Variants in LRP2 observed in about 807,000 individuals in gnomAD.
LRP2 encodes the protein LDL receptor related protein 2, also known as low-density lipoprotein receptor-related protein 2.
In LRP2, 172 loss-of-function variants were observed where a neutral mutation model predicts 531.0. The ratio of observed to expected loss-of-function variants is 0.32; its 90% confidence interval spans 0.29 to 0.37. The LOEUF (loss-of-function observed/expected upper bound fraction) is 0.37. Among genes scored for constraint, LRP2 ranks in the 10% least tolerant of loss-of-function variants. The pLI is 1.00. For synonymous variants in LRP2, 1,992 were observed against 2,027.6 expected (o/e 0.98, Z 0.47); for missense variants, 5,167 against 5,868.3 (o/e 0.88, Z 3.90).
chr2:169,236,938 TGAA>T (rs1299352844), intron 28 of LRP2, among the ~76,000 whole-genome samples, 162 bp downstream of exon 28: 2 of 152,196 alleles, frequency 1.3e-5, no homozygotes, highest in Non-Finnish European at 2.9e-5. Context: ...ATGATTCAGA[TGAA>T]GGAGAGATAG....
chr2:169,332,340 G>A lies in LRP2; in HGVS notation c.80-11456C>T, dbSNP rs1380581457. On this transcript the variant is annotated intron_variant, in intron 1 of 78. Coordinates refer to ENST00000649046, the MANE Select transcript of LRP2 (RefSeq NM_004525.3). The stretch of plus-strand genomic sequence containing the variant: ...CCATATTATTTAGTTCTTGACTATC[G>A]CAATAGTAACAACAAGCTCTAAAGA... Among the ~76,000 whole-genome samples, 8 of 152,030 alleles carry A rather than the reference G, an allele frequency of 5.3e-5. No individual in the cohort carries two copies. In the South Asian group the frequency reaches 6.2e-4, roughly 12 times the overall value.
At chr2:169,215,504 G>C (rs75000978) in intron 35 of LRP2, among the ~76,000 whole-genome samples, 1 of 151,878 alleles carries the variant, frequency 6.6e-6, no homozygotes, top group African/African-American at 2.4e-5. Flanking sequence ...AGAAAGTTTC[G>C]CATGTGCATT....
At chr2:169,228,179 C>T (rs1689267862) in intron 31 of LRP2, among the ~76,000 whole-genome samples, 1 of 152,186 alleles carries the variant, frequency 6.6e-6, no homozygotes, top group Admixed American at 6.5e-5. Flanking sequence ...GCAATTTAAA[C>T]GAGGTCACAC....
intron 33 of LRP2, among the ~76,000 whole-genome samples, chr2:169,221,024 G>A (rs972116548): frequency 3.9e-5 from 6 of 152,062 alleles, no homozygotes; most frequent in Non-Finnish European, 7.4e-5. Context: ...TTACTCAGAG[G>A]TACAGTGAAT....
intron 1 of LRP2, among the ~76,000 whole-genome samples, chr2:169,340,699 A>G (rs566620493): frequency 5.9e-5 from 9 of 152,276 alleles, no homozygotes; most frequent in African/African-American, 2.2e-4. Context: ...CTCTAATGGT[A>G]TCATGGAACC....
intron 3 of LRP2, among the ~76,000 whole-genome samples, chr2:169,313,398 G>T (rs1336718385): frequency 6.6e-6 from 1 of 151,036 alleles, no homozygotes; most frequent in Non-Finnish European, 1.5e-5. Context: ...TGGTGTAGAT[G>T]CCCTTTCTGT....
At chr2:169,196,635 C>G (rs1279961300) in intron 46 of LRP2, among the ~76,000 whole-genome samples, 2 of 152,238 alleles carry the variant, frequency 1.3e-5, no homozygotes, top group Non-Finnish European at 2.9e-5. Context: ...TTAAGTTCTA[C>G]CAGCTAAGCA....
intron 13 of LRP2, among the ~76,000 whole-genome samples, chr2:169,276,200 T>G (rs1683548081): frequency 2.0e-5 from 3 of 152,170 alleles, no homozygotes; most frequent in Non-Finnish European, 4.4e-5. Flanking sequence ...ACATTAAGAT[T>G]AGAGAATAGT....
rs1333657037 is a variant in LRP2, at chr2:169,362,406, G to A, written c.-7C>T. On this transcript the variant is annotated 5_prime_UTR_variant, in exon 1 of 79. Coordinates refer to ENST00000649046, the MANE Select transcript of LRP2 (RefSeq NM_004525.3). ...CTGCCGGCCCGCGATCCATCTCCGC[G>A]ACGGTCCCCGGCCTCGCCGTTCCTT... 1 of 1,554,324 alleles carries A rather than the reference G, an allele frequency of 6.4e-7. No homozygotes were observed. The highest frequency in any genetic ancestry group is 8.7e-7 in the Non-Finnish European group (1 of 1,151,874).
chr2:169,218,800 G>A (rs906815218), intron 34 of LRP2, among the ~76,000 whole-genome samples: 3 of 152,040 alleles, frequency 2.0e-5, no homozygotes, highest in African/African-American at 4.8e-5. Flanking sequence ...TTTACTGCTC[G>A]AAAGATCTTG....
In LRP2 at chr2:169,315,959, C is replaced by CAA. The variant is rs536458606; in HGVS notation, c.310+2801_310+2802dup. 6.4e-3 allele frequency among the ~76,000 whole-genome samples: 471 copies of CAA among 73,588 alleles called. 3 individuals carry two copies. Among genetic ancestry groups the CAA allele is most frequent in the Non-Finnish European group, 7.9e-3 (302 of 38,094 alleles). The allele number at this position is 73,588 out of a possible 152,430, so 48.3% of individuals were successfully genotyped here. On this transcript the variant is annotated intron_variant, in intron 3 of 78. Coordinates refer to ENST00000649046, the MANE Select transcript of LRP2 (RefSeq NM_004525.3). ...GCAACATGGGAAAACCCCATCTCTA[C>CAA]AAAAAAAAAAAAAAAAAAAAAAAAT...
intron 4 of LRP2, among the ~76,000 whole-genome samples, chr2:169,305,217 A>G (rs974479027): frequency 6.6e-6 from 1 of 152,206 alleles, no homozygotes; most frequent in African/African-American, 2.4e-5. Flanking sequence ...GGGAGAAAGC[A>G]CTGGAGAAGG....
intron 10 of LRP2, among the ~76,000 whole-genome samples, chr2:169,282,270 G>C (rs965576075): frequency 6.6e-6 from 1 of 152,106 alleles, no homozygotes; most frequent in Non-Finnish European, 1.5e-5. Flanking sequence ...TGAGACCTTC[G>C]TCCGGAGAAA....
chr2:169,361,582 G>A (rs1028575694), intron 1 of LRP2, among the ~76,000 whole-genome samples: 6 of 151,624 alleles, frequency 4.0e-5, no homozygotes, highest in Non-Finnish European at 7.4e-5. Flanking sequence ...ATAAACTATC[G>A]GACAACTTGA....
intron 60 of LRP2, 25 bp downstream of exon 60, chr2:169,169,677 A>G (rs1306572519): frequency 5.8e-6 from 9 of 1,557,684 alleles, no homozygotes; most frequent in Non-Finnish European, 8.0e-6. Flanking sequence ...GGTAAGCAGT[A>G]CTACATATGT....
intron 21 of LRP2, among the ~76,000 whole-genome samples, 194 bp from the exon 22 acceptor site, chr2:169,245,126 G>A (rs1019818965): frequency 3.3e-5 from 5 of 152,034 alleles, no homozygotes; most frequent in Non-Finnish European, 7.4e-5. Context: ...TCATAGAAAA[G>A]GCATTTTTCT....
chr2:169,262,742 C>A (rs1690617418), intron 16 of LRP2, among the ~76,000 whole-genome samples: 2 of 150,054 alleles, frequency 1.3e-5, no homozygotes, highest in Admixed American at 1.3e-4. Context: ...TTGGAAAAAA[C>A]TACTTTAAAG....
chr2:169,135,137 C>T (rs1685451461), intron 76 of LRP2, among the ~76,000 whole-genome samples: 1 of 152,176 alleles, frequency 6.6e-6, no homozygotes, highest in Non-Finnish European at 1.5e-5. Flanking sequence ...GGTTACAAGC[C>T]ACTAGCCAGT....
At position 169,246,962 on chromosome 2, in the gene LRP2, G is replaced by A. The variant is rs114842875; in HGVS notation, c.2933C>T (p.Thr978Met). 4,722 of 1,614,170 alleles carry A rather than the reference G, an allele frequency of 2.9e-3. 28 individuals carry two copies. The highest frequency in any genetic ancestry group is 2.8e-3 in the Non-Finnish European group (3,264 of 1,180,034). The change falls in exon 21 of 79, where the codon ACG becomes ATG. Residue 978 changes from threonine (T) to methionine (M), a missense_variant. Thr to Met is a moderately conservative substitution (Grantham distance 81, BLOSUM62 -1). Transcript: ENST00000649046. ...QTGSNACNQPTHPNGDCSHFC... is the reference protein window; with the variant it reads ...QTGSNACNQPMHPNGDCSHFC... ...GTGGCTGCAGTCACCGTTAGGATGC[G>A]TGGGTTGATTACAGGCGTTAGAACC...
Sources: allele counts gnomAD v4.1 joint callset (sites outside exome capture counted in the v4.1 genomes callset), GRCh38; gene constraint gnomAD v4.1.1; transcripts MANE v1.5; gene names NCBI Gene and HGNC (gene_info 2026-07-23, HGNC 2026-07-21).